The following PRDM6 variants were observed in gnomAD, a reference collection of about 807,000 sequenced individuals.
The protein encoded by PRDM6 is PR/SET domain 6.
In PRDM6, 25 loss-of-function variants were observed where a neutral mutation model predicts 60.8. That is an observed-to-expected ratio of 0.41 (90% confidence interval 0.30 to 0.57). The LOEUF is 0.57. Ranked by LOEUF, PRDM6 falls within the 20% of genes least tolerant of loss-of-function variation. PRDM6 has a pLI of 0.27. For synonymous variants in PRDM6, 407 were observed against 357.4 expected (o/e 1.14, Z -1.57); for missense variants, 839 against 821.3 (o/e 1.02, Z -0.26).
intron 6 of PRDM6, among the ~76,000 whole-genome samples, chr5:123,172,589 C>A (rs1765917712): frequency 6.6e-6 from 1 of 152,122 alleles, no homozygotes; most frequent in Non-Finnish European, 1.5e-5. Flanking sequence ...TTTAAGTTTG[C>A]AAAGCATTTT....
intron 3 of PRDM6, among the ~76,000 whole-genome samples, chr5:123,127,623 A>G (rs571498752): frequency 1.3e-5 from 2 of 152,296 alleles, no homozygotes; most frequent in Admixed American, 1.3e-4. Flanking sequence ...AATAAAGCAA[A>G]GGCTTTTGAT....
chr5:123,095,604 T>G (rs1763937850), intron 2 of PRDM6, among the ~76,000 whole-genome samples: 1 of 152,230 alleles, frequency 6.6e-6, no homozygotes, highest in South Asian at 2.1e-4. Flanking sequence ...GGTCTCGGCC[T>G]GCGAGACTGA....
At position 123,090,181 on chromosome 5, in the gene PRDM6, C is replaced by CG. The variant is rs768810414; in HGVS notation, c.167_168insG (p.Pro58AlafsTer6). The stretch of plus-strand genomic sequence containing the variant: ...CAGCCTCTTCAGCCGCCGCCGCCGC[C>CG]CCCGCCCCCGGAGCGCGCTGAGCCT... On this transcript the variant is annotated frameshift_variant, in exon 2 of 8. Coordinates refer to ENST00000407847, the MANE Select transcript of PRDM6 (RefSeq NM_001136239.4). LOFTEE classifies it high-confidence loss of function. The CG allele has an allele frequency of 2.0e-3, 2,912 of 1,487,364 alleles. 53 individuals carry two copies. In the African/African-American group the frequency reaches 0.039, roughly 20 times the overall value. 92.1% of individuals were successfully genotyped at this position (1,487,364 alleles called of 1,614,324 possible).
Position 123,190,918 on chromosome 5 carries a change from T to G in PRDM6, c.*3717T>G, listed in dbSNP as rs1766418984. 1 of 152,236 alleles carries G rather than the reference T, an allele frequency of 6.6e-6. No homozygotes were observed. Among genetic ancestry groups the G allele is most frequent in the African/African-American group, 2.4e-5 (1 of 41,462 alleles). The allele number at this position is 152,236 out of a possible 1,614,324, so 9.4% of individuals were successfully genotyped here. A position where few individuals can be genotyped will look rare whatever the true frequency, so the allele number is the denominator to read the frequency against. ...CCATTGTCTCAGTGAAGTTAAAGAT[T>G]TTGTTCCAACTGGGAAAATCTGAGA... is the stretch of plus-strand genomic sequence containing the variant. On this transcript the variant is annotated 3_prime_UTR_variant, in exon 8 of 8. Transcript: ENST00000407847.
At chr5:123,186,224 A>C (rs1037885365) in intron 7 of PRDM6, among the ~76,000 whole-genome samples, 7 of 152,192 alleles carry the variant, frequency 4.6e-5, no homozygotes, top group Admixed American at 2.0e-4. Context: ...ACAGAAAAAC[A>C]ACAGGCTCCC....
At chr5:123,177,942 G>A (rs1047797251) in intron 6 of PRDM6, among the ~76,000 whole-genome samples, 4 of 152,182 alleles carry the variant, frequency 2.6e-5, no homozygotes, top group African/African-American at 4.8e-5. Flanking sequence ...GTTCTGCGAA[G>A]TTTTAAAAAC....
rs1254634041 is a variant in PRDM6, at chr5:123,099,765, C to G, written c.704C>G (p.Pro235Arg). The change falls in exon 3 of 8, where the codon CCG becomes CGG. Residue 235 changes from proline to arginine, a missense_variant. By Grantham distance (103) the Pro-to-Arg change is moderately radical. Transcript: ENST00000407847. This position sits in a 1 kb window ranked among gnomAD's most constrained non-coding sequence, Gnocchi z 4.0. ...AGCGCTGCGGCCGCCGCGCCCCCGC[C>G]GGAGCTGCCGGAGTGGCTGCGGGAC... ...TSSAAAAAPP[P>R]ELPEWLRDLP... 7.8e-6 allele frequency: 12 copies of G among 1,547,168 alleles called. No homozygotes were observed. Among genetic ancestry groups the G allele is most frequent in the Non-Finnish European group, 1.0e-5 (12 of 1,145,346 alleles).
chr5:123,184,498 G>A (rs1189987985), intron 7 of PRDM6, among the ~76,000 whole-genome samples: 5 of 152,144 alleles, frequency 3.3e-5, no homozygotes, highest in South Asian at 2.1e-4. Context: ...GTGCAAGGGC[G>A]CTTTTCCCTC....
At chr5:123,162,649 G>T (rs1385778198) in intron 5 of PRDM6, among the ~76,000 whole-genome samples, 1 of 152,168 alleles carries the variant, frequency 6.6e-6, no homozygotes, top group Non-Finnish European at 1.5e-5. Flanking sequence ...AAGGAATTAA[G>T]CCATTGACTA....
intron 2 of PRDM6, among the ~76,000 whole-genome samples, chr5:123,095,897 C>A (rs1003307231): frequency 6.6e-6 from 1 of 152,162 alleles, no homozygotes; most frequent in African/African-American, 2.4e-5. Context: ...AAAAGAAAAC[C>A]ATGGCCTGCT....
chr5:123,174,635 G>T (rs1407949773), intron 6 of PRDM6, among the ~76,000 whole-genome samples: 1 of 152,140 alleles, frequency 6.6e-6, no homozygotes, highest in Non-Finnish European at 1.5e-5. Context: ...GTATTCATGA[G>T]CTTTTTCATG....
chr5:123,143,759 GAAAAATGAAAAAAATGCCA>G (rs1205893764), intron 3 of PRDM6, among the ~76,000 whole-genome samples: 2 of 151,710 alleles, frequency 1.3e-5, no homozygotes, highest in African/African-American at 2.4e-5. Context: ...TTGATATATT[GAAAAATGAAAAAAATGCCA>G]AAATAGGGTT....
intron 3 of PRDM6, among the ~76,000 whole-genome samples, chr5:123,119,238 A>G (rs1007644762): frequency 1.3e-5 from 2 of 152,232 alleles, no homozygotes; most frequent in African/African-American, 4.8e-5. Flanking sequence ...AAGGAATGCA[A>G]ATGTTTAAAT....
chr5:123,169,393 ACTTC>A (rs1212443966), intron 5 of PRDM6, among the ~76,000 whole-genome samples: 1 of 152,040 alleles, frequency 6.6e-6, no homozygotes, highest in Non-Finnish European at 1.5e-5. Flanking sequence ...TTCTCTCCCC[ACTTC>A]CACTGCCACC....
intron 3 of PRDM6, among the ~76,000 whole-genome samples, chr5:123,125,643 A>G (rs950774423): frequency 6.6e-6 from 1 of 152,202 alleles, no homozygotes; most frequent in Admixed American, 6.5e-5. Flanking sequence ...GGAAATTGGA[A>G]TTAGGATTAA....
chr5:123,130,379 C>T (rs1661944127), intron 3 of PRDM6, among the ~76,000 whole-genome samples: 1 of 121,454 alleles, frequency 8.2e-6, no homozygotes, highest in Non-Finnish European at 1.6e-5. Flanking sequence ...CTCCTTTTTT[C>T]TCTCTTTATC....
intron 7 of PRDM6, among the ~76,000 whole-genome samples, chr5:123,182,092 A>G (rs1766178386): frequency 6.6e-6 from 1 of 152,160 alleles, no homozygotes; most frequent in South Asian, 2.1e-4. Context: ...GTACTATGCC[A>G]CCCATGCTGT....
chr5:123,175,770 A>G (rs1213069595), intron 6 of PRDM6, among the ~76,000 whole-genome samples: 1 of 152,200 alleles, frequency 6.6e-6, no homozygotes, highest in Non-Finnish European at 1.5e-5. Context: ...AGCAGGATTA[A>G]TATTTTTAAG....
At chr5:123,144,469 T>A (rs1482555952) in intron 3 of PRDM6, among the ~76,000 whole-genome samples, 1 of 151,982 alleles carries the variant, frequency 6.6e-6, no homozygotes, top group African/African-American at 2.4e-5. Flanking sequence ...CCAGGATCCT[T>A]ATGAGAGGAG....
Sources: gnomAD v4.1 joint callset for allele counts (sites outside exome capture counted in the v4.1 genomes callset) on GRCh38, gnomAD v4.1.1 for gene constraint, Gnocchi (gnomAD v3.1) non-coding constraint, MANE v1.5 for transcripts, NCBI Gene and HGNC (gene_info 2026-07-23, HGNC 2026-07-21) for gene names.